Variants in CDCA2 observed in about 807,000 individuals in gnomAD.
CDCA2 encodes the protein cell division cycle associated 2, also known as cell division cycle-associated protein 2.
Under a neutral mutation model 67.0 loss-of-function variants are expected in CDCA2, and 44 were observed. The ratio of observed to expected loss-of-function variants is 0.66; its 90% CI spans 0.52 to 0.84. The LOEUF is 0.84. Ranked by LOEUF, CDCA2 falls within the 40% of genes least tolerant of loss-of-function variation. CDCA2 has a pLI of 0.00. For synonymous variants in CDCA2, 447 were observed against 418.7 expected (o/e 1.07, Z -0.82); for missense variants, 1,253 against 1,203.2 (o/e 1.04, Z -0.61).
At chr8:25,490,593 G>A (rs1322709799) in intron 13 of CDCA2, among the ~76,000 whole-genome samples, 1 of 152,138 alleles carries the variant, frequency 6.6e-6, no homozygotes, top group Admixed American at 6.6e-5. Flanking sequence ...AGGTACGATG[G>A]ATGGTGAGAG....
At chr8:25,474,880 T>C (rs1295977065) in intron 7 of CDCA2, among the ~76,000 whole-genome samples, 1 of 152,010 alleles carries the variant, frequency 6.6e-6, no homozygotes. Context: ...CGGGCTTGCC[T>C]CCCAGCCCAG....
intron 13 of CDCA2, among the ~76,000 whole-genome samples, chr8:25,491,362 A>C (rs4872316): frequency 0.96 from 146,302 of 152,208 alleles, 70,553 homozygotes; most frequent in East Asian, 1. Flanking sequence ...CCACTGAATA[A>C]CTGGTACAAT....
chr8:25,470,641 T>C (rs11787228), intron 7 of CDCA2, among the ~76,000 whole-genome samples: 61,432 of 152,066 alleles, frequency 0.4, 12,803 homozygotes, highest in African/African-American at 0.52. Context: ...CTACAAACTC[T>C]ACAGATCAAT....
At chr8:25,477,940 T>C (rs890704002) in intron 7 of CDCA2, among the ~76,000 whole-genome samples, 7 of 151,736 alleles carry the variant, frequency 4.6e-5, no homozygotes, top group East Asian at 1.9e-4. Flanking sequence ...TTTTTTTTTT[T>C]TTTCTTAAGT....
intron 4 of CDCA2, among the ~76,000 whole-genome samples, chr8:25,463,340 T>C (rs1259644410): frequency 6.6e-6 from 1 of 152,204 alleles, no homozygotes; most frequent in Non-Finnish European, 1.5e-5. Flanking sequence ...AAATATACAA[T>C]GGTGGTCTCA....
At chr8:25,500,024 G>A (rs1804409188) in intron 13 of CDCA2, among the ~76,000 whole-genome samples, 1 of 152,148 alleles carries the variant, frequency 6.6e-6, no homozygotes, top group African/African-American at 2.4e-5. Flanking sequence ...TGCTTTAATT[G>A]TTCTTTTTTG....
chr8:25,478,039 A>C (rs546055452), intron 7 of CDCA2, among the ~76,000 whole-genome samples: 1 of 147,532 alleles, frequency 6.8e-6, no homozygotes. Flanking sequence ...GAGTCCTCCT[A>C]CCTCAGCCTT....
At chr8:25,500,456 T>C (rs886776315) in intron 13 of CDCA2, among the ~76,000 whole-genome samples, 6 of 152,192 alleles carry the variant, frequency 3.9e-5, no homozygotes, top group African/African-American at 1.4e-4. Context: ...TGCATACATA[T>C]ATCAAAATAT....
intron 7 of CDCA2, among the ~76,000 whole-genome samples, chr8:25,471,537 T>C (rs1803155595): frequency 6.6e-6 from 1 of 152,100 alleles, no homozygotes; most frequent in Admixed American, 6.5e-5. Flanking sequence ...GAGTTTTTTG[T>C]ATTTTCAGTT....
intron 13 of CDCA2, among the ~76,000 whole-genome samples, chr8:25,502,369 ATT>A (rs1250219483): frequency 1.3e-5 from 2 of 152,060 alleles, no homozygotes; most frequent in African/African-American, 2.4e-5. Context: ...ATAAAACATT[ATT>A]TCTTGGTTGC....
chr8:25,497,512 A>AAT (rs113216913), intron 13 of CDCA2, among the ~76,000 whole-genome samples: 82,090 of 144,802 alleles, frequency 0.57, 25,567 homozygotes, highest in Middle Eastern at 0.67. Context: ...AAAATAAAAA[A>AAT]AAAAAAAACT....
At chr8:25,475,644 C>G (rs951578505) in intron 7 of CDCA2, among the ~76,000 whole-genome samples, 1 of 152,194 alleles carries the variant, frequency 6.6e-6, no homozygotes, top group African/African-American at 2.4e-5. Flanking sequence ...GCTTCTCGAC[C>G]TGGCGAAGAC....
chr8:25,482,635 G>A (rs1282563241), intron 8 of CDCA2, among the ~76,000 whole-genome samples: 2 of 152,198 alleles, frequency 1.3e-5, no homozygotes, highest in African/African-American at 4.8e-5. Context: ...TTGGGAGGCC[G>A]AGGCACACGG....
chr8:25,493,884 A>G (rs1436608445), intron 13 of CDCA2, among the ~76,000 whole-genome samples: 2 of 152,216 alleles, frequency 1.3e-5, no homozygotes, highest in African/African-American at 4.8e-5. Context: ...CTTTGACCCA[A>G]CAGGCCTATT....
At chr8:25,496,658 A>T (rs761431564) in intron 13 of CDCA2, among the ~76,000 whole-genome samples, 1 of 152,170 alleles carries the variant, frequency 6.6e-6, no homozygotes, top group Non-Finnish European at 1.5e-5. Context: ...CTCAAAAGAC[A>T]TGCAAATGGC....
chr8:25,494,802 G>A (rs1329853020), intron 13 of CDCA2, among the ~76,000 whole-genome samples: 1 of 152,204 alleles, frequency 6.6e-6, no homozygotes, highest in Non-Finnish European at 1.5e-5. Flanking sequence ...TCCATAGGGT[G>A]GGTCCTAATC....
intron 13 of CDCA2, among the ~76,000 whole-genome samples, chr8:25,498,599 C>T (rs1158793520): frequency 6.6e-6 from 1 of 152,052 alleles, no homozygotes; most frequent in Non-Finnish European, 1.5e-5. Context: ...GTACCCTTTA[C>T]CTAGTTTCCC....
intron 8 of CDCA2, among the ~76,000 whole-genome samples, chr8:25,482,950 C>G (rs1041286254): frequency 6.6e-6 from 1 of 152,032 alleles, no homozygotes; most frequent in Non-Finnish European, 1.5e-5. Context: ...TTAAAGTATA[C>G]GGGAGGATGT....
chr8:25,469,898 A>G lies in CDCA2; in HGVS notation c.738A>G (p.Ile246Met), dbSNP rs553809791. 4 of 1,603,714 alleles carry G rather than the reference A, an allele frequency of 2.5e-6. No homozygotes were observed. In the African/African-American group the frequency reaches 5.3e-5, roughly 21 times the overall value. Residue 246 changes from isoleucine (I) to methionine (M), a missense_variant and splice_region_variant, in exon 7 of 15, where the codon ATA becomes ATG. Physicochemically the swap from Ile to Met is conservative, Grantham distance 10. Transcript: ENST00000330560. ...TACTCTTTCAATTTTTCCCCAAGAT[A>G]TCATCTAAACTTGGTTCAACACAGT... is the stretch of plus-strand genomic sequence containing the variant. ...AVETSVDLSE[I>M]SSKLGSTQSG...
Sources: gnomAD v4.1 joint callset for allele counts (sites outside exome capture counted in the v4.1 genomes callset) on GRCh38, gnomAD v4.1.1 for gene constraint, MANE v1.5 for transcripts, NCBI Gene and HGNC (gene_info 2026-07-23, HGNC 2026-07-21) for gene names.